RNF6: variants seen among roughly 807,000 people sequenced by gnomAD.
RNF6 encodes the protein E3 ubiquitin-protein ligase RNF6.
A neutral mutation model predicts 50.1 loss-of-function variants in RNF6; 21 were observed. The ratio of observed to expected loss-of-function variants is 0.42; its 90% CI spans 0.30 to 0.60. The LOEUF is 0.60. Ranked by LOEUF, RNF6 falls within the 20% of genes least tolerant of loss-of-function variation. The pLI is 0.20. For missense variants in RNF6, 698 were observed against 838.2 expected (o/e 0.83, Z 2.07); for synonymous variants, 255 against 291.8 (o/e 0.87, Z 1.29).
intron 5 of RNF6, among the ~76,000 whole-genome samples, chr13:26,201,922 T>C (rs1159000206): frequency 6.6e-6 from 1 of 152,150 alleles, no homozygotes; most frequent in Non-Finnish European, 1.5e-5. Flanking sequence ...GCTTGGAAGC[T>C]GCAAGGACTA....
chr13:26,174,352 G>A (rs1171687685), intron 5 of RNF6, among the ~76,000 whole-genome samples: 1 of 152,008 alleles, frequency 6.6e-6, no homozygotes, highest in Admixed American at 6.6e-5. Context: ...TACGTAAAGG[G>A]ACAGCAAACT....
intron 5 of RNF6, among the ~76,000 whole-genome samples, chr13:26,155,166 G>A (rs1341867165): frequency 6.6e-6 from 1 of 152,086 alleles, no homozygotes; most frequent in African/African-American, 2.4e-5. Context: ...AAATCTGGGA[G>A]GCTGAGGCAG....
chr13:26,169,565 T>C (rs925227770), intron 5 of RNF6, among the ~76,000 whole-genome samples: 1 of 152,180 alleles, frequency 6.6e-6, no homozygotes, highest in East Asian at 1.9e-4. Flanking sequence ...ATTTTTCCTC[T>C]ATCTTCTTTG....
intron 5 of RNF6, among the ~76,000 whole-genome samples, chr13:26,187,801 G>A (rs1873627692): frequency 6.6e-6 from 1 of 152,186 alleles, no homozygotes; most frequent in African/African-American, 2.4e-5. Context: ...TTAGCTCACT[G>A]CAGCCTTGAA....
chr13:26,188,623 C>T (rs1380122077), intron 5 of RNF6, among the ~76,000 whole-genome samples: 72 of 43,258 alleles, frequency 1.7e-3, no homozygotes, highest in African/African-American at 4.0e-3. Context: ...GTCAAAAGAG[C>T]TTTTTTTTTT....
intron 5 of RNF6, among the ~76,000 whole-genome samples, chr13:26,190,046 T>A (rs1868397101): frequency 6.6e-6 from 1 of 152,224 alleles, no homozygotes; most frequent in Admixed American, 6.5e-5. Flanking sequence ...ATCAAGGTGT[T>A]GGCAGGACTG....
At chr13:26,150,797 A>C (rs1460373115) in intron 5 of RNF6, 1 of 152,250 alleles carries the variant, frequency 6.6e-6, no homozygotes, top group Non-Finnish European at 1.5e-5. Flanking sequence ...ATTATTTAAC[A>C]GTAAACTTAC....
At chr13:26,205,735 C>G (rs1035199574) in intron 5 of RNF6, among the ~76,000 whole-genome samples, 1 of 152,162 alleles carries the variant, frequency 6.6e-6, no homozygotes, top group African/African-American at 2.4e-5. Flanking sequence ...ATAAAAAGGC[C>G]GGGTACAGTG....
chr13:26,167,742 T>C (rs1232325298), intron 5 of RNF6, among the ~76,000 whole-genome samples: 2 of 152,190 alleles, frequency 1.3e-5, no homozygotes, highest in African/African-American at 2.4e-5. Flanking sequence ...TAAAGACACA[T>C]GCACACATAC....
chr13:26,179,909 A>G (rs1873155060), intron 5 of RNF6, among the ~76,000 whole-genome samples: 1 of 152,234 alleles, frequency 6.6e-6, no homozygotes, highest in African/African-American at 2.4e-5. Context: ...AGTCTAGTCC[A>G]GGATCCCAGC....
At chr13:26,186,963 G>A (rs1873580146) in intron 5 of RNF6, among the ~76,000 whole-genome samples, 1 of 152,118 alleles carries the variant, frequency 6.6e-6, no homozygotes, top group South Asian at 2.1e-4. Context: ...ATTTTTAGTA[G>A]AGACGGGGTT....
intron 1 of RNF6, chr13:26,221,639 GCTTA>G (rs1566446907): frequency 2.0e-5 from 3 of 151,684 alleles, no homozygotes; most frequent in Non-Finnish European, 4.4e-5. Context: ...GGCGTCTCCG[GCTTA>G]CTTCTAAACC....
In RNF6 at chr13:26,213,755, T is replaced by C. The variant is rs2137742562; in HGVS notation, c.*69A>G. 6.9e-6 allele frequency: 9 copies of C among 1,310,082 alleles called. No homozygotes were observed. The highest frequency in any genetic ancestry group is 1.9e-4 in the Middle Eastern group (1 of 5,198). The allele number at this position is 1,310,082 out of a possible 1,614,324, so 81.2% of individuals were successfully genotyped here. On this transcript the variant is annotated 3_prime_UTR_variant, in exon 5 of 5. Coordinates refer to ENST00000381588, the MANE Select transcript of RNF6 (RefSeq NM_005977.4). Reference sequence around the variant, plus strand: ...TTCATCCTGGTTAGCTAATCACAAATAACTCAGCAAAACAATGCTTGAACA... The same window carrying C: ...TTCATCCTGGTTAGCTAATCACAAACAACTCAGCAAAACAATGCTTGAACA...
At position 26,213,665 on chromosome 13, in the gene RNF6, TTTC is replaced by T. The variant is rs1869484490; in HGVS notation, c.*156_*158del. ...ATTTGTATTTTAAATTTTATATAAA[TTTC>T]TTTTTAACAAGTTTAAAAAAGCACA... On this transcript the variant is annotated 3_prime_UTR_variant, in exon 5 of 5. Coordinates refer to ENST00000381588, the MANE Select transcript of RNF6 (RefSeq NM_005977.4). 4.2e-6 allele frequency: 2 copies of T among 474,806 alleles called. No homozygotes were observed. The allele number at this position is 474,806 out of a possible 1,614,324, so 29.4% of individuals were successfully genotyped here. A position where few individuals can be genotyped will look rare whatever the true frequency, so the allele number is the denominator to read the frequency against.
chr13:26,189,088 G>A (rs1873697155), intron 5 of RNF6, among the ~76,000 whole-genome samples: 1 of 152,072 alleles, frequency 6.6e-6, no homozygotes, highest in South Asian at 2.1e-4. Context: ...CAGCACTTTG[G>A]GAGGCCGAGG....
rs115993442 is a variant in RNF6 at position 26,168,614 on chromosome 13, A to G, written n.769-36163T>C. On this transcript the variant is annotated intron_variant and non_coding_transcript_variant, in intron 5 of 5. Transcript: ENST00000468480. ...CTTTTGGCTCTTTTAAGCCTTGCAT[A>G]GTTCATAGCCAGCTCATCCTCTCCT... Among the ~76,000 whole-genome samples, 1,405 of 152,298 alleles carry G rather than the reference A, an allele frequency of 9.2e-3. 18 individuals are homozygous for G. The highest frequency in any genetic ancestry group is 0.032 in the African/African-American group (1,334 of 41,542).
At chr13:26,203,041 A>C (rs952166713) in intron 5 of RNF6, among the ~76,000 whole-genome samples, 6 of 152,268 alleles carry the variant, frequency 3.9e-5, no homozygotes, top group African/African-American at 1.4e-4. Flanking sequence ...ATGGAAAAAC[A>C]GACGACCAGA....
intron 5 of RNF6, among the ~76,000 whole-genome samples, chr13:26,152,925 C>A (rs1250776615): frequency 6.6e-6 from 1 of 151,956 alleles, no homozygotes; most frequent in African/African-American, 2.4e-5. Flanking sequence ...GAGGCCGAGG[C>A]GGGCGGATCA....
At chr13:26,158,063 A>G (rs1043412277) in intron 5 of RNF6, among the ~76,000 whole-genome samples, 1 of 152,188 alleles carries the variant, frequency 6.6e-6, no homozygotes, top group Non-Finnish European at 1.5e-5. Flanking sequence ...CAAATGGATG[A>G]ATAGATGAAA....
Sources: allele counts gnomAD v4.1 joint callset (sites outside exome capture counted in the v4.1 genomes callset), GRCh38; gene constraint gnomAD v4.1.1; transcripts MANE v1.5; gene names NCBI Gene and HGNC (gene_info 2026-07-23, HGNC 2026-07-21).